The following SMAD3 variants were observed in gnomAD, a reference collection of about 807,000 sequenced individuals.
SMAD3 encodes the protein MAD homolog 3.
In SMAD3, 12 loss-of-function variants were observed where a neutral mutation model predicts 51.8. The ratio of observed to expected loss-of-function variants is 0.23; its 90% confidence interval spans 0.15 to 0.38. The LOEUF (loss-of-function observed/expected upper bound fraction) is 0.38. Ranked by LOEUF, SMAD3 falls within the 10% of genes least tolerant of loss-of-function variation. The pLI, the probability that SMAD3 is intolerant of heterozygous loss-of-function variation, is 1.00. For synonymous variants in SMAD3, 238 were observed against 227.7 expected, an observed-to-expected ratio of 1.05 and a Z score of -0.41; for missense variants, 294 against 565.6, an observed-to-expected ratio of 0.52 and a Z score of 4.87.
At chr15:67,180,944 C>G (rs148742796) in intron 5 of SMAD3, among the ~76,000 whole-genome samples, 100 of 151,658 alleles carry the variant, frequency 6.6e-4, no homozygotes, top group Middle Eastern at 3.4e-3. Flanking sequence ...CAGTCAAGGC[C>G]AAGCAGGCGG....
intron 1 of SMAD3, among the ~76,000 whole-genome samples, chr15:67,101,151 G>C (rs916160025): frequency 6.6e-6 from 1 of 152,176 alleles, no homozygotes; most frequent in Non-Finnish European, 1.5e-5. Context: ...ACTCGCTTTG[G>C]GCAGTTAGCG....
At chr15:67,133,361 C>G (rs1267652817) in intron 1 of SMAD3, among the ~76,000 whole-genome samples, 1 of 152,098 alleles carries the variant, frequency 6.6e-6, no homozygotes, top group Middle Eastern at 3.2e-3. Flanking sequence ...CGTAACATAA[C>G]TTTGCCAATG....
chr15:67,067,747 G>C (rs1163067028), intron 1 of SMAD3, among the ~76,000 whole-genome samples: 1 of 152,138 alleles, frequency 6.6e-6, no homozygotes, highest in African/African-American at 2.4e-5. Flanking sequence ...AAGGGGGAGG[G>C]AAGGCGGTGT....
chr15:67,179,249 A>C (rs958092565), intron 5 of SMAD3, among the ~76,000 whole-genome samples: 1 of 152,176 alleles, frequency 6.6e-6, no homozygotes, highest in South Asian at 2.1e-4. Flanking sequence ...ATCTAGGGCA[A>C]TGGTTTTCAA....
At chr15:67,144,915 G>A (rs1961934234) in intron 1 of SMAD3, among the ~76,000 whole-genome samples, 1 of 152,132 alleles carries the variant, frequency 6.6e-6, no homozygotes, top group African/African-American at 2.4e-5. Context: ...ATTGCGTGAT[G>A]GGGGCTGGAG....
At chr15:67,162,055 G>T (rs1962445989) in intron 1 of SMAD3, among the ~76,000 whole-genome samples, 1 of 152,140 alleles carries the variant, frequency 6.6e-6, no homozygotes, top group Non-Finnish European at 1.5e-5. Flanking sequence ...CCTTCAAGAT[G>T]CCCTTAGTCA....
rs1289087039 is a variant in SMAD3, at chr15:67,193,929, T to G, written c.*3393T>G. 4.3e-6 allele frequency: 1 copy of G among 233,122 alleles called. No individual in the cohort carries two copies. The highest frequency in any genetic ancestry group is 6.0e-5 in the East Asian group (1 of 16,714). The allele number at this position is 233,122 out of a possible 1,614,324, so 14.4% of individuals were successfully genotyped here. On this transcript the variant is annotated 3_prime_UTR_variant, in exon 9 of 9. Transcript: ENST00000327367. Reference sequence around the variant, plus strand: ...AAGTAATCTGGGGAAGAAGCAAAGATCTGTTTCATTCTTAGCCTCAGGCCT... The same window carrying G: ...AAGTAATCTGGGGAAGAAGCAAAGAGCTGTTTCATTCTTAGCCTCAGGCCT...
intron 5 of SMAD3, among the ~76,000 whole-genome samples, chr15:67,178,344 A>T (rs1185569961): frequency 6.6e-6 from 1 of 152,146 alleles, no homozygotes; most frequent in Non-Finnish European, 1.5e-5. Flanking sequence ...TTCTGCCTGG[A>T]CTAAACCCAG....
In SMAD3 at chr15:67,066,211, G is replaced by A. The variant is rs867126915; in HGVS notation, c.57G>A (p.Lys19=). The A allele has an allele frequency of 2.5e-6, 4 of 1,613,206 alleles. No homozygotes were observed. In the Middle Eastern group the frequency reaches 5.0e-4, roughly 203 times the overall value. The change falls in exon 1 of 9, where the codon AAG becomes AAA. Residue 19 remains lysine (K), a synonymous_variant. Transcript: ENST00000327367. The part of the protein sequence containing the change: ...PPIVKRLLGW[K]KGEQNGQEEK... The stretch of plus-strand genomic sequence containing the variant: ...TCGTGAAGCGCCTGCTGGGCTGGAA[G>A]AAGGGCGAGCAGAACGGGCAGGAGG...
intron 1 of SMAD3, chr15:67,138,271 TG>T: frequency 1.7e-6 from 1 of 586,276 alleles, no homozygotes. Flanking sequence ...ACCCCCTGTG[TG>T]GGTGAAGCAG....
chr15:67,137,118 G>A (rs917922559), intron 1 of SMAD3, among the ~76,000 whole-genome samples: 8 of 152,236 alleles, frequency 5.3e-5, no homozygotes, highest in African/African-American at 1.9e-4. Context: ...GCTGGGAAGT[G>A]TAAGACGGAG....
chr15:67,092,443 G>T (rs930741291), intron 1 of SMAD3, among the ~76,000 whole-genome samples: 1 of 152,140 alleles, frequency 6.6e-6, no homozygotes, highest in South Asian at 2.1e-4. Context: ...GGCCAGCAGC[G>T]TCAGCATCAC....
At chr15:67,067,767 G>A (rs1959960951) in intron 1 of SMAD3, among the ~76,000 whole-genome samples, 2 of 152,262 alleles carry the variant, frequency 1.3e-5, no homozygotes, top group Admixed American at 1.3e-4. Flanking sequence ...TGCTGTCTGG[G>A]GAAGTCTCTG....
chr15:67,164,064 C>A (rs1962504847), intron 1 of SMAD3, among the ~76,000 whole-genome samples: 4 of 151,590 alleles, frequency 2.6e-5, no homozygotes, highest in Admixed American at 2.6e-4. Flanking sequence ...GAAATCCCAG[C>A]ACTTTGGGAG....
intron 1 of SMAD3, among the ~76,000 whole-genome samples, chr15:67,126,540 T>G (rs542895533): frequency 6.6e-6 from 1 of 152,212 alleles, no homozygotes; most frequent in African/African-American, 2.4e-5. Flanking sequence ...TGCTCCAACT[T>G]CCCCCTCAGA....
intron 7 of SMAD3, 156 bp from the exon 8 acceptor site, chr15:67,187,209 A>T (rs1963244588): frequency 1.2e-6 from 1 of 860,254 alleles, no homozygotes; most frequent in South Asian, 1.4e-5. Flanking sequence ...CATGGTACTG[A>T]GTGTGGAGTG....
intron 5 of SMAD3, among the ~76,000 whole-genome samples, chr15:67,175,903 G>A (rs1962879472): frequency 6.6e-6 from 1 of 152,030 alleles, no homozygotes; most frequent in South Asian, 2.1e-4. Context: ...CCACACTTGT[G>A]AAATCACAGG....
At chr15:67,178,812 C>T (rs1455733975) in intron 5 of SMAD3, among the ~76,000 whole-genome samples, 2 of 152,182 alleles carry the variant, frequency 1.3e-5, no homozygotes, top group East Asian at 3.9e-4. Context: ...TCAGCCTCAC[C>T]TCAGGGGCCA....
chr15:67,195,073 C>T lies in SMAD3; in HGVS notation c.*4537C>T, dbSNP rs1963468777. On this transcript the variant is annotated 3_prime_UTR_variant, in exon 9 of 9. Coordinates refer to ENST00000327367, the MANE Select transcript of SMAD3 (RefSeq NM_005902.4). Reference sequence around the variant, plus strand: ...CTTTTATATCTTAAAAGCAGAGCACCTGTTTAAGCATTGTACCCCTATTGT... The same window carrying T: ...CTTTTATATCTTAAAAGCAGAGCACTTGTTTAAGCATTGTACCCCTATTGT... 2 of 233,428 alleles carry T rather than the reference C, an allele frequency of 8.6e-6. No individual in the cohort carries two copies. Among genetic ancestry groups the T allele is most frequent in the Non-Finnish European group, 1.7e-5 (2 of 117,898 alleles). The allele number at this position is 233,428 out of a possible 1,614,324, so 14.5% of individuals were successfully genotyped here. A position where few individuals can be genotyped will look rare whatever the true frequency, so the allele number is the denominator to read the frequency against.
Sources: gnomAD v4.1 joint callset for allele counts (sites outside exome capture counted in the v4.1 genomes callset) on GRCh38, gnomAD v4.1.1 for gene constraint, MANE v1.5 for transcripts, NCBI Gene and HGNC (gene_info 2026-07-23, HGNC 2026-07-21) for gene names.